Variants in SAFB2 observed in about 807,000 individuals in gnomAD.
SAFB2 encodes scaffold attachment factor B2.
SAFB2 carries 32 observed loss-of-function variants against 100.6 expected under a neutral mutation model. The ratio of observed to expected loss-of-function variants is 0.32; its 90% CI spans 0.24 to 0.43. SAFB2 has a LOEUF of 0.43. Ranked by LOEUF, SAFB2 falls within the 20% of genes least tolerant of loss-of-function variation. SAFB2 has a pLI of 1.00. For missense variants in SAFB2, 1,185 were observed against 1,163.4 expected (o/e 1.02, Z -0.27); for synonymous variants, 500 against 439.4 (o/e 1.14, Z -1.72).
At chr19:5,605,276 T>TAGTAGAGATGTTTTTTTAGTAGA (rs1491393531) in intron 9 of SAFB2, among the ~76,000 whole-genome samples, 3 of 152,132 alleles carry the variant, frequency 2.0e-5, no homozygotes, top group Admixed American at 6.5e-5. Context: ...GGCTAATTTT[T>TAGTAGAGATGTTTTTTTAGTAGA]GTGTTTTTAG....
At chr19:5,600,283 A>G in intron 11 of SAFB2, 23 bp from the exon 12 acceptor site, 9 of 1,609,908 alleles carry the variant, frequency 5.6e-6, no homozygotes, top group Non-Finnish European at 7.6e-6. Flanking sequence ...ATGGTTATCA[A>G]ATTTGAGTTC....
Position 5,590,263 on chromosome 19 carries a change from G to T in SAFB2, c.2525+15C>A. The T allele has an allele frequency of 6.4e-7, 1 of 1,572,726 alleles. No homozygotes were observed. The highest frequency in any genetic ancestry group is 1.2e-5 in the South Asian group (1 of 85,038). On this transcript the variant is annotated intron_variant, in intron 18 of 20. Transcript: ENST00000252542. ...GGACAGATGCTCCCCACCCGGCTGGGGCTCACCCACTAACCTGGGGGGAGG... is the reference window on the plus strand; with the variant it reads ...GGACAGATGCTCCCCACCCGGCTGGTGCTCACCCACTAACCTGGGGGGAGG...
chr19:5,618,643 C>T (rs806711), intron 2 of SAFB2, among the ~76,000 whole-genome samples: 8,851 of 152,286 alleles, frequency 0.058, 297 homozygotes, highest in South Asian at 0.11. Flanking sequence ...TTTTGAAATA[C>T]GTTGTCTAAA....
At chr19:5,589,652 TAG>T (rs2052345321) in intron 18 of SAFB2, among the ~76,000 whole-genome samples, 1 of 151,804 alleles carries the variant, frequency 6.6e-6, no homozygotes, top group Admixed American at 6.6e-5. Flanking sequence ...CCAAAGAAAC[TAG>T]AGAGGCACCC....
rs369746131 is a variant in SAFB2, at chr19:5,622,048, A to T, written c.186+482T>A. On this transcript the variant is annotated intron_variant, in intron 1 of 20. Coordinates refer to ENST00000252542, the MANE Select transcript of SAFB2 (RefSeq NM_014649.3). ...TCTCAGGCAGACCCAAAATGACAAC[A>T]AGGGGCCGGCCACGAGAAGATCTGG... Among the ~76,000 whole-genome samples the T allele has an allele frequency of 2.7e-3, 413 of 152,282 alleles. 2 individuals are homozygous for T. The highest frequency in any genetic ancestry group is 9.4e-3 in the African/African-American group (389 of 41,568).
intron 13 of SAFB2, 72 bp from the exon 14 acceptor site, chr19:5,595,569 T>C: frequency 6.5e-7 from 1 of 1,540,094 alleles, no homozygotes; most frequent in Non-Finnish European, 8.8e-7. Flanking sequence ...ATTATGCACG[T>C]GTGCATGAGA....
In SAFB2 at chr19:5,598,448, C is replaced by G. The variant is rs2052579101; in HGVS notation, c.1782+345G>C. On this transcript the variant is annotated intron_variant, in intron 13 of 20. Transcript: ENST00000252542. ...CTAAAAAACCAATGGAAGAAAGTAG[C>G]CTGCTATTAAGTCAACCAAAGAGTA... 2.8e-5 allele frequency: 8 copies of G among 283,298 alleles called. No homozygotes were observed. The South Asian group carries it at 4.0e-4, about 14-fold the overall frequency. The allele number at this position is 283,298 out of a possible 1,614,324, so 17.5% of individuals were successfully genotyped here. A position where few individuals can be genotyped will look rare whatever the true frequency, so the allele number is the denominator to read the frequency against.
In SAFB2 at chr19:5,616,334, T is replaced by C; in HGVS notation, c.341A>G (p.Glu114Gly). The C allele has an allele frequency of 6.2e-7, 1 of 1,614,148 alleles. No individual in the cohort carries two copies. The highest frequency in any genetic ancestry group is 8.5e-7 in the Non-Finnish European group (1 of 1,180,022). Reference sequence around the variant, plus strand: ...GTTCTCCAGACTTGCTTCCATGTCCTCCTGTAAAGAGGAAGAAGAATCGTT... The same window carrying C: ...GTTCTCCAGACTTGCTTCCATGTCCCCCTGTAAAGAGGAAGAAGAATCGTT... ...GLEDDSRDGQ[E>G]DMEASLENLQ... Residue 114 changes from glutamate to glycine, a missense_variant and splice_region_variant, in exon 4 of 21, where the codon GAG becomes GGG. By Grantham distance (98) the Glu-to-Gly change is moderately conservative. Around this residue, in one of 3 missense-constraint regions of SAFB2, gnomAD observed 351 missense variants for 341.2 expected, o/e 1.03. Coordinates refer to ENST00000252542, the MANE Select transcript of SAFB2 (RefSeq NM_014649.3).
At position 5,611,209 on chromosome 19, in the gene SAFB2, G is replaced by A. The variant is rs2052902356; in HGVS notation, c.1056C>T (p.Asp352=). 1 of 440,084 alleles carries A rather than the reference G, an allele frequency of 2.3e-6. No individual in the cohort carries two copies. The highest frequency in any genetic ancestry group is 5.0e-5 in the African/African-American group (1 of 19,886). The allele number at this position is 440,084 out of a possible 1,614,324, so 27.3% of individuals were successfully genotyped here. A position where few individuals can be genotyped will look rare whatever the true frequency, so the allele number is the denominator to read the frequency against. The change falls in exon 7 of 21, where the codon GAC becomes GAT. Residue 352 remains aspartate, a synonymous_variant. Coordinates refer to ENST00000252542, the MANE Select transcript of SAFB2 (RefSeq NM_014649.3). ...PSPEARDSKE[D]GRKFDFDACN... ...AAGCGTCAAAATCAAACTTCCTCCC[G>A]TCTTCTTTGCTATCTCTGGCTTCTG...
At chr19:5,605,852 A>C (rs2052763407) in intron 9 of SAFB2, among the ~76,000 whole-genome samples, 1 of 152,198 alleles carries the variant, frequency 6.6e-6, no homozygotes, top group Non-Finnish European at 1.5e-5. Flanking sequence ...GGGGATGGGT[A>C]AGACAGCACT....
intron 11 of SAFB2, among the ~76,000 whole-genome samples, chr19:5,603,717 C>CCG (rs1464966852): frequency 2.7e-4 from 41 of 152,122 alleles, no homozygotes; most frequent in African/African-American, 9.4e-4. Flanking sequence ...CAGGGTGGCA[C>CCG]TGTGAACTCA....
intron 18 of SAFB2, among the ~76,000 whole-genome samples, chr19:5,588,273 G>A (rs1028819877): frequency 6.6e-6 from 1 of 152,054 alleles, no homozygotes; most frequent in Non-Finnish European, 1.5e-5. Flanking sequence ...TGGAGGGTGC[G>A]AGGAAAGGGA....
chr19:5,614,746 G>C (rs1412044814), intron 4 of SAFB2, among the ~76,000 whole-genome samples: 1 of 152,226 alleles, frequency 6.6e-6, no homozygotes, highest in African/African-American at 2.4e-5. Context: ...AGCCTCACCA[G>C]AGAGCTCTAC....
In SAFB2 at chr19:5,587,664, G is replaced by A; in HGVS notation, c.2705+37C>T. The A allele has an allele frequency of 3.9e-6, 6 of 1,528,910 alleles. No individual in the cohort carries two copies. The highest frequency in any genetic ancestry group is 2.4e-5 in the South Asian group (2 of 82,076). 94.7% of individuals were successfully genotyped at this position (1,528,910 alleles called of 1,614,324 possible). ...AAAAGGGAGAGGAAGTGAGGAGCAG[G>A]AGTGAACCACCGTCCTCCACGGACG... is the stretch of plus-strand genomic sequence containing the variant. On this transcript the variant is annotated intron_variant, in intron 20 of 20. Coordinates refer to ENST00000252542, the MANE Select transcript of SAFB2 (RefSeq NM_014649.3). This position sits in a 1 kb window ranked among gnomAD's most constrained non-coding sequence, Gnocchi z 4.9.
rs890132360 is a variant in SAFB2 at position 5,610,578 on chromosome 19, C to T, written c.1195+61G>A. On this transcript the variant is annotated intron_variant, in intron 8 of 20. Coordinates refer to ENST00000252542, the MANE Select transcript of SAFB2 (RefSeq NM_014649.3). ...AATCCAAAGTGTGTATATCTCCAGGCCCCTCCTCCCAAAATAAGGGAACCA... is the reference window on the plus strand; with the variant it reads ...AATCCAAAGTGTGTATATCTCCAGGTCCCTCCTCCCAAAATAAGGGAACCA... 11 of 1,209,364 alleles carry T rather than the reference C, an allele frequency of 9.1e-6. No homozygotes were observed. The East Asian group carries it at 9.4e-5, about 10-fold the overall frequency. The allele number at this position is 1,209,364 out of a possible 1,614,324, so 74.9% of individuals were successfully genotyped here.
Position 5,587,332 on chromosome 19 carries a change from C to T in SAFB2, c.2773G>A (p.Gly925Ser). 6.2e-7 allele frequency: 1 copy of T among 1,613,222 alleles called. No homozygotes were observed. The highest frequency in any genetic ancestry group is 1.1e-5 in the South Asian group (1 of 90,930). The change falls in exon 21 of 21, where the codon GGC (glycine) becomes AGC (serine). Residue 925 changes from glycine to serine, a missense_variant. By Grantham distance (56) the Gly-to-Ser change is moderately conservative (BLOSUM62 0). Around this residue, in one of 3 missense-constraint regions of SAFB2, gnomAD observed 740 missense variants for 687.1 expected, o/e 1.08. Coordinates refer to ENST00000252542, the MANE Select transcript of SAFB2 (RefSeq NM_014649.3). This position sits in a 1 kb window ranked among gnomAD's most constrained non-coding sequence, Gnocchi z 4.9. ...HVVPGGGLEG[G>S]GVASQDRGSR... is the part of the protein sequence containing the mutation. Reference sequence around the variant, plus strand: ...CCCCGGTCCTGGCTGGCCACTCCGCCACCTTCCAGTCCGCCACCTGGCACC... The same window carrying T: ...CCCCGGTCCTGGCTGGCCACTCCGCTACCTTCCAGTCCGCCACCTGGCACC...
rs1228313841 is a variant in SAFB2 at position 5,622,668 on chromosome 19, A to G, written c.48T>C (p.Ala16=). Residue 16 remains alanine, a synonymous_variant, in exon 1 of 21, where the codon GCT becomes GCC. Coordinates refer to ENST00000252542, the MANE Select transcript of SAFB2 (RefSeq NM_014649.3). ...PGSGDSGPGT[A]SLGPGVAETG... ...TCTCCGCAACGCCCGGGCCGAGAGA[A>G]GCCGTGCCAGGGCCCGAGTCGCCCG... is the stretch of plus-strand genomic sequence containing the variant. 2 of 1,608,038 alleles carry G rather than the reference A, an allele frequency of 1.2e-6. No individual in the cohort carries two copies. Among genetic ancestry groups the G allele is most frequent in the African/African-American group, 2.7e-5 (2 of 74,848 alleles).
At position 5,587,319 on chromosome 19, in the gene SAFB2, C is replaced by A. The variant is rs1279274311; in HGVS notation, c.2786G>T (p.Ser929Ile). 3.7e-6 allele frequency: 6 copies of A among 1,612,538 alleles called. No homozygotes were observed. The highest frequency in any genetic ancestry group is 1.7e-5 in the Admixed American group (1 of 59,900). The change falls in exon 21 of 21, where the codon AGC (serine) becomes ATC (isoleucine). Residue 929 changes from serine to isoleucine, a missense_variant. Transcript: ENST00000252542. This position sits in a 1 kb window ranked among gnomAD's most constrained non-coding sequence, Gnocchi z 4.9. Reference sequence around the variant, plus strand: ...AGGGACTCTGCTGCCCCGGTCCTGGCTGGCCACTCCGCCACCTTCCAGTCC... The same window carrying A: ...AGGGACTCTGCTGCCCCGGTCCTGGATGGCCACTCCGCCACCTTCCAGTCC... Reference protein sequence around the residue: ...GGGLEGGGVASQDRGSRVPHP... With the variant: ...GGGLEGGGVAIQDRGSRVPHP...
Position 5,604,720 on chromosome 19 carries a change from T to C in SAFB2, c.1447-25A>G, listed in dbSNP as rs377120439. ...CCTAAAATATAATAGACAGAAATGA[T>C]GTGTGGCCCAGAGCTTCTCACTTGC... On this transcript the variant is annotated intron_variant, in intron 10 of 20. Coordinates refer to ENST00000252542, the MANE Select transcript of SAFB2 (RefSeq NM_014649.3). The C allele has an allele frequency of 3.5e-5, 57 of 1,613,922 alleles. No homozygotes were observed. In the Admixed American group the frequency reaches 5.5e-4, roughly 16 times the overall value.
Sources: gnomAD v4.1 joint callset for allele counts (sites outside exome capture counted in the v4.1 genomes callset) on GRCh38, gnomAD v4.1.1 for gene constraint, gnomAD v4.1.1 regional missense constraint, Gnocchi (gnomAD v3.1) non-coding constraint, MANE v1.5 for transcripts, NCBI Gene and HGNC (gene_info 2026-07-23, HGNC 2026-07-21) for gene names.